CDH18: variants seen among roughly 807,000 people sequenced by gnomAD.
The protein encoded by CDH18 is cadherin 18.
Under a neutral mutation model 67.9 loss-of-function variants are expected in CDH18, and 31 were observed. The ratio of observed to expected loss-of-function variants is 0.46; its 90% CI spans 0.34 to 0.62. CDH18 has a LOEUF of 0.62. Among genes scored for constraint, CDH18 ranks in the 20% least tolerant of loss-of-function variants. The pLI is 0.01. For synonymous variants in CDH18, 362 were observed against 347.2 expected, an observed-to-expected ratio of 1.04 and a Z score of -0.48; for missense variants, 890 against 975.5, an observed-to-expected ratio of 0.91 and a Z score of 1.17.
At chr5:19,984,322 C>G (rs1799352888) in intron 1 of CDH18, among the ~76,000 whole-genome samples, 1 of 151,706 alleles carries the variant, frequency 6.6e-6, no homozygotes, top group African/African-American at 2.4e-5. Context: ...AAGAGTAAAT[C>G]TCAAGTCACA....
intron 2 of CDH18, among the ~76,000 whole-genome samples, chr5:20,159,219 T>G (rs1751788135): frequency 6.6e-6 from 1 of 152,136 alleles, no homozygotes; most frequent in South Asian, 2.1e-4. Context: ...TGGAATAAAT[T>G]GGTAATGCAC....
chr5:20,377,866 C>T (rs569676131), intron 1 of CDH18, among the ~76,000 whole-genome samples: 124 of 152,264 alleles, frequency 8.1e-4, no homozygotes, highest in African/African-American at 2.6e-3. Flanking sequence ...GAGGAGTTGA[C>T]TAGTATTAAC....
chr5:20,196,389 G>C (rs1247550496), intron 2 of CDH18, among the ~76,000 whole-genome samples: 1 of 152,092 alleles, frequency 6.6e-6, no homozygotes, highest in Non-Finnish European at 1.5e-5. Flanking sequence ...AGATATCAAG[G>C]TATTGTTCAA....
intron 2 of CDH18, among the ~76,000 whole-genome samples, chr5:20,126,145 G>A (rs114752366): frequency 0.015 from 2,300 of 152,190 alleles, 30 homozygotes; most frequent in Non-Finnish European, 0.021. Context: ...AATAAGGAGC[G>A]CGGTCATAAA....
intron 2 of CDH18, among the ~76,000 whole-genome samples, chr5:20,032,790 T>A (rs934950828): frequency 6.6e-6 from 1 of 151,946 alleles, no homozygotes; most frequent in African/African-American, 2.4e-5. Flanking sequence ...CTGAAAAAAA[T>A]AATAAGTTGT....
chr5:20,035,437 A>G (rs1434389365), intron 2 of CDH18, among the ~76,000 whole-genome samples: 3 of 152,076 alleles, frequency 2.0e-5, no homozygotes, highest in Non-Finnish European at 4.4e-5. Flanking sequence ...TAGAAAGAAA[A>G]GAGATTTAAT....
chr5:19,755,677 A>G (rs533843103), intron 3 of CDH18, among the ~76,000 whole-genome samples: 1 of 151,154 alleles, frequency 6.6e-6, no homozygotes, highest in Admixed American at 6.6e-5. Flanking sequence ...TGATCACAAC[A>G]TCACACAATA....
chr5:20,349,783 A>T (rs1182845775), intron 1 of CDH18, among the ~76,000 whole-genome samples: 1 of 152,206 alleles, frequency 6.6e-6, no homozygotes, highest in Non-Finnish European at 1.5e-5. Flanking sequence ...AAGAAATCAT[A>T]TTACATAACT....
chr5:20,057,417 AATT>A (rs1256477810), intron 2 of CDH18, among the ~76,000 whole-genome samples: 3 of 152,300 alleles, frequency 2.0e-5, no homozygotes, highest in African/African-American at 7.2e-5. Context: ...GTTGTACTGA[AATT>A]ATTAATTCAT....
chr5:20,381,003 G>T (rs1743865561), intron 1 of CDH18, among the ~76,000 whole-genome samples: 1 of 152,096 alleles, frequency 6.6e-6, no homozygotes, highest in Non-Finnish European at 1.5e-5. Flanking sequence ...GTAAATTAAA[G>T]TGAGGTTCTT....
intron 2 of CDH18, among the ~76,000 whole-genome samples, chr5:20,046,955 G>A (rs1740955376): frequency 6.6e-6 from 1 of 151,850 alleles, no homozygotes; most frequent in Admixed American, 6.6e-5. Flanking sequence ...GTATACATAT[G>A]TAACTAACCT....
chr5:19,734,511 T>C, intron 4 of CDH18, among the ~76,000 whole-genome samples: 2 of 151,698 alleles, frequency 1.3e-5, no homozygotes, highest in Non-Finnish European at 2.9e-5. Context: ...CTCAGAAAAA[T>C]TCACCAAAGG....
intron 1 of CDH18, among the ~76,000 whole-genome samples, chr5:20,526,678 A>G (rs1369570547): frequency 6.6e-6 from 1 of 152,140 alleles, no homozygotes; most frequent in Non-Finnish European, 1.5e-5. Context: ...GACTGTTAGA[A>G]GAAAAACAAA....
At position 19,491,543 on chromosome 5, in the gene CDH18, C is replaced by T. The variant is rs192644983; in HGVS notation, c.1631-7991G>A. Reference sequence around the variant, plus strand: ...TTGATTTCCAATGTGTATCAAACTACATACCTGCATTTCCCTACCAATGGA... The same window carrying T: ...TTGATTTCCAATGTGTATCAAACTATATACCTGCATTTCCCTACCAATGGA... On this transcript the variant is annotated intron_variant, in intron 11 of 12. Transcript: ENST00000382275. 7.5e-4 allele frequency among the ~76,000 whole-genome samples: 114 copies of T among 152,266 alleles called. 4 individuals are homozygous for T. Among genetic ancestry groups the T allele is most frequent in the Admixed American group, 7.4e-3 (113 of 15,294 alleles).
intron 2 of CDH18, among the ~76,000 whole-genome samples, chr5:20,172,190 G>GTGTATATATATATATATATATA (rs1342353318): frequency 4.3e-5 from 1 of 23,330 alleles, no homozygotes; most frequent in Non-Finnish European, 7.5e-5. Context: ...AGCATTGTGT[G>GTGTATATATATATATATATATA]TATATATATA....
intron 1 of CDH18, among the ~76,000 whole-genome samples, chr5:20,521,137 T>A (rs1468745689): frequency 2.0e-5 from 3 of 152,138 alleles, no homozygotes. Context: ...TACTAAAAGT[T>A]AGAAAATGCC....
At chr5:19,566,443 T>C (rs1586401) in intron 8 of CDH18, among the ~76,000 whole-genome samples, 2,234 of 152,288 alleles carry the variant, frequency 0.015, 55 homozygotes, top group African/African-American at 0.051. Context: ...AACTGGGTAA[T>C]TTATAAAGAA....
At chr5:20,190,934 C>T (rs1197559112) in intron 2 of CDH18, among the ~76,000 whole-genome samples, 2 of 152,050 alleles carry the variant, frequency 1.3e-5, no homozygotes, top group Non-Finnish European at 2.9e-5. Context: ...AGTGAAGGTT[C>T]AGGATGGCCT....
rs531556260 is a variant in CDH18, at chr5:20,127,740, G to T, written c.-518+127704C>A. 2.0e-5 allele frequency among the ~76,000 whole-genome samples: 3 copies of T among 152,212 alleles called. No homozygotes were observed. In the South Asian group the frequency reaches 6.2e-4, roughly 32 times the overall value. The stretch of plus-strand genomic sequence containing the variant: ...TGAGTATAAAGTTTCAATCATGCAA[G>T]ATGCAGAAATTCACTTGATCTGTTG... On this transcript the variant is annotated intron_variant, in intron 2 of 14. Coordinates refer to the CDH18 transcript ENST00000507958.
Sources: gnomAD v4.1 joint callset for allele counts (sites outside exome capture counted in the v4.1 genomes callset) on GRCh38, gnomAD v4.1.1 for gene constraint, MANE v1.5 for transcripts, NCBI Gene and HGNC (gene_info 2026-07-23, HGNC 2026-07-21) for gene names.